PDILT: variants seen among roughly 807,000 people sequenced by gnomAD.
PDILT encodes protein disulfide isomerase like, testis expressed, also known as protein disulfide-isomerase-like protein of the testis.
PDILT carries 43 observed loss-of-function variants against 53.7 expected under a neutral mutation model. The ratio of observed to expected loss-of-function variants is 0.80; its 90% CI spans 0.63 to 1.03. PDILT has a LOEUF of 1.03. PDILT is among the 50% of genes least tolerant of loss of function. PDILT has a pLI of 0.00. For missense variants in PDILT, 727 were observed against 712.3 expected, an observed-to-expected ratio of 1.02 and a Z score of -0.24; for synonymous variants, 282 against 274.2, an observed-to-expected ratio of 1.03 and a Z score of -0.28.
At chr16:20,363,203 T>C (rs1253288315) in intron 9 of PDILT, among the ~76,000 whole-genome samples, 1 of 152,186 alleles carries the variant, frequency 6.6e-6, no homozygotes, top group African/African-American at 2.4e-5. Flanking sequence ...ATTTTTTTGT[T>C]TTGCTTTTTA....
intron 3 of PDILT, among the ~76,000 whole-genome samples, chr16:20,382,249 GA>G (rs1966470652): frequency 6.6e-6 from 1 of 152,172 alleles, no homozygotes; most frequent in Non-Finnish European, 1.5e-5. Context: ...ACTAGAATGA[GA>G]AAACTAATAG....
intron 10 of PDILT, among the ~76,000 whole-genome samples, chr16:20,361,540 T>C (rs1241186370): frequency 6.6e-6 from 1 of 152,160 alleles, no homozygotes; most frequent in East Asian, 1.9e-4. Flanking sequence ...TCACCTAAGC[T>C]TCTTTTCAGA....
intron 8 of PDILT, among the ~76,000 whole-genome samples, chr16:20,368,969 C>T (rs1257896087): frequency 2.0e-5 from 3 of 152,182 alleles, no homozygotes; most frequent in African/African-American, 7.2e-5. Flanking sequence ...GCTGTGGAGA[C>T]ATAGACAGTG....
chr16:20,397,591 C>T (rs1157070914), intron 2 of PDILT, among the ~76,000 whole-genome samples: 1 of 152,194 alleles, frequency 6.6e-6, no homozygotes, highest in Non-Finnish European at 1.5e-5. Context: ...GACCTCATCA[C>T]ACTACATTGC....
intron 9 of PDILT, among the ~76,000 whole-genome samples, chr16:20,363,489 G>A (rs2141700198): frequency 6.6e-6 from 1 of 152,166 alleles, no homozygotes; most frequent in Admixed American, 6.5e-5. Context: ...GTGTGTGTGT[G>A]TGTGTGTGTG....
chr16:20,392,013 G>T (rs969968162), intron 2 of PDILT, among the ~76,000 whole-genome samples: 11 of 151,926 alleles, frequency 7.2e-5, no homozygotes, highest in Non-Finnish European at 1.5e-4. Context: ...AGTCTCTCTG[G>T]ATGCATTGCA....
Position 20,400,072 on chromosome 16 carries a change from A to ATTTTT in PDILT, c.-7-770_-7-766dup, listed in dbSNP as rs55815809. Among the ~76,000 whole-genome samples the ATTTTT allele has an allele frequency of 4.4e-3, 603 of 137,412 alleles. 7 individuals carry two copies. Among genetic ancestry groups the ATTTTT allele is most frequent in the African/African-American group, 0.016 (548 of 34,774 alleles). The allele number at this position is 137,412 out of a possible 152,430, so 90.1% of individuals were successfully genotyped here. A position where few individuals can be genotyped will look rare whatever the true frequency, so the allele number is the denominator to read the frequency against. On this transcript the variant is annotated intron_variant, in intron 1 of 11. Coordinates refer to ENST00000302451, the MANE Select transcript of PDILT (RefSeq NM_174924.2). The stretch of plus-strand genomic sequence containing the variant: ...TATCTATCTATATATATATATATAT[A>ATTTTT]TTTTTTGAGACGGAGTTTTGCTCTT...
intron 2 of PDILT, among the ~76,000 whole-genome samples, chr16:20,395,396 C>G (rs530292614): frequency 2.0e-4 from 30 of 152,278 alleles, no homozygotes; most frequent in African/African-American, 7.0e-4. Flanking sequence ...TTTGCCCATC[C>G]CTTTTTATTT....
intron 7 of PDILT, 138 bp from the exon 8 acceptor site, chr16:20,369,827 G>A: frequency 3.7e-6 from 3 of 815,184 alleles, no homozygotes; most frequent in Non-Finnish European, 5.9e-6. Flanking sequence ...GGCAGGTGGA[G>A]CTCTGCACCG....
chr16:20,381,780 G>T (rs1245447218), intron 3 of PDILT, among the ~76,000 whole-genome samples: 1 of 152,092 alleles, frequency 6.6e-6, no homozygotes, highest in East Asian at 1.9e-4. Context: ...CCCTTTCTCT[G>T]GTTAGAAGTA....
At position 20,376,830 on chromosome 16, in the gene PDILT, A is replaced by G. The variant is rs909332652; in HGVS notation, c.410-629T>C. 2.6e-5 allele frequency among the ~76,000 whole-genome samples: 4 copies of G among 152,316 alleles called. No homozygotes were observed. The South Asian group carries it at 6.2e-4, about 24-fold the overall frequency. On this transcript the variant is annotated intron_variant, in intron 3 of 11. Transcript: ENST00000302451. ...GTCTTAGCTTCCAAAATTAAGACAC[A>G]TATACTATATCTGGGAAGACAAATT...
chr16:20,381,640 A>G (rs1454065960), intron 3 of PDILT, among the ~76,000 whole-genome samples: 1 of 151,206 alleles, frequency 6.6e-6, no homozygotes, highest in Non-Finnish European at 1.5e-5. Flanking sequence ...ATCTCAAAAA[A>G]AAAAAAAAAA....
chr16:20,390,005 G>T (rs965984218), intron 2 of PDILT, among the ~76,000 whole-genome samples: 3 of 152,108 alleles, frequency 2.0e-5, no homozygotes, highest in Non-Finnish European at 4.4e-5. Context: ...ACAGCCCCCA[G>T]CCCCACAAGC....
chr16:20,392,582 A>C (rs1966618248), intron 2 of PDILT, among the ~76,000 whole-genome samples: 1 of 152,202 alleles, frequency 6.6e-6, no homozygotes. Context: ...GCCACTTTAG[A>C]AGGCCGGCTA....
intron 3 of PDILT, 108 bp downstream of exon 3, chr16:20,384,537 C>T: frequency 7.4e-7 from 1 of 1,346,484 alleles, no homozygotes. Flanking sequence ...CTGGAGGATC[C>T]TGGGTCCCCG....
chr16:20,364,450 T>C (rs528563872), intron 9 of PDILT, among the ~76,000 whole-genome samples: 1 of 152,316 alleles, frequency 6.6e-6, no homozygotes, highest in African/African-American at 2.4e-5. Context: ...TGACCTAGGG[T>C]AAGATCATTA....
chr16:20,362,101 C>T (rs1345707338), intron 10 of PDILT, among the ~76,000 whole-genome samples: 4 of 152,170 alleles, frequency 2.6e-5, no homozygotes, highest in African/African-American at 9.7e-5. Flanking sequence ...TAGGGCAGAG[C>T]TCAGCCCCAA....
intron 3 of PDILT, among the ~76,000 whole-genome samples, chr16:20,378,767 C>T (rs749792319): frequency 5.3e-5 from 8 of 152,080 alleles, no homozygotes; most frequent in Non-Finnish European, 1.0e-4. Context: ...TCCATGTCCC[C>T]GCAAAGGACA....
At chr16:20,391,726 T>C (rs958586033) in intron 2 of PDILT, among the ~76,000 whole-genome samples, 1 of 151,948 alleles carries the variant, frequency 6.6e-6, no homozygotes, top group South Asian at 2.1e-4. Flanking sequence ...ATGTACACGA[T>C]GAAAAGCAGT....
Sources: allele counts gnomAD v4.1 joint callset (sites outside exome capture counted in the v4.1 genomes callset), GRCh38; gene constraint gnomAD v4.1.1; transcripts MANE v1.5; gene names NCBI Gene and HGNC (gene_info 2026-07-23, HGNC 2026-07-21).